The following PPFIA2 variants were observed in gnomAD, a reference collection of about 807,000 sequenced individuals.
The protein encoded by PPFIA2 is PPFI scaffold protein A2.
In PPFIA2, 46 loss-of-function variants were observed where a neutral mutation model predicts 175.5. The ratio of observed to expected loss-of-function variants is 0.26; its 90% confidence interval spans 0.21 to 0.34. The LOEUF (loss-of-function observed/expected upper bound fraction) is 0.34, where lower values mean the gene tolerates loss of function less well. Among genes scored for constraint, PPFIA2 ranks in the 10% least tolerant of loss-of-function variants. The pLI, the probability that PPFIA2 is intolerant of heterozygous loss-of-function variation, is 1.00. For synonymous variants in PPFIA2, 568 were observed against 511.4 expected, an observed-to-expected ratio of 1.11 and a Z score of -1.49; for missense variants, 1,179 against 1,506.1, an observed-to-expected ratio of 0.78 and a Z score of 3.60.
At chr12:81,614,567 A>G (rs2061259030) in intron 4 of PPFIA2, among the ~76,000 whole-genome samples, 1 of 152,184 alleles carries the variant, frequency 6.6e-6, no homozygotes, top group South Asian at 2.1e-4. Context: ...GTAGACTAAC[A>G]CAATGTTTAG....
intron 17 of PPFIA2, among the ~76,000 whole-genome samples, chr12:81,349,487 A>C (rs1407111933): frequency 6.6e-6 from 1 of 152,196 alleles, no homozygotes; most frequent in Non-Finnish European, 1.5e-5. Flanking sequence ...ACTCCAAAGA[A>C]AGGTTTAATC....
At chr12:81,724,872 A>G (rs993113833) in intron 3 of PPFIA2, among the ~76,000 whole-genome samples, 2 of 151,058 alleles carry the variant, frequency 1.3e-5, no homozygotes, top group Non-Finnish European at 3.0e-5. Context: ...ATCCAATAGT[A>G]GTTCTATTTT....
At chr12:81,454,177 G>A (rs917681084) in intron 5 of PPFIA2, among the ~76,000 whole-genome samples, 1 of 152,038 alleles carries the variant, frequency 6.6e-6, no homozygotes. Context: ...CCATGATTGT[G>A]CCACTGCACT....
intron 4 of PPFIA2, among the ~76,000 whole-genome samples, chr12:81,550,346 A>T (rs1206139334): frequency 6.6e-6 from 1 of 152,058 alleles, no homozygotes. Context: ...GCACTTGGGA[A>T]ATTAAGGCAT....
intron 3 of PPFIA2, among the ~76,000 whole-genome samples, chr12:81,697,053 G>A (rs2075977755): frequency 6.6e-6 from 1 of 152,066 alleles, no homozygotes; most frequent in Non-Finnish European, 1.5e-5. Flanking sequence ...ATGAATCATA[G>A]ACAGACAATG....
At chr12:81,378,986 T>C (rs1367898420) in intron 9 of PPFIA2, among the ~76,000 whole-genome samples, 1 of 152,088 alleles carries the variant, frequency 6.6e-6, no homozygotes. Context: ...CGATAAATAA[T>C]AGCTGTTATT....
chr12:81,381,431 A>G (rs2037680732), intron 9 of PPFIA2, among the ~76,000 whole-genome samples: 1 of 152,064 alleles, frequency 6.6e-6, no homozygotes, highest in Non-Finnish European at 1.5e-5. Context: ...GAAAATGGGG[A>G]TTGAATGTTG....
intron 4 of PPFIA2, among the ~76,000 whole-genome samples, chr12:81,606,343 G>A (rs966270621): frequency 4.6e-5 from 7 of 152,016 alleles, no homozygotes; most frequent in Non-Finnish European, 1.0e-4. Context: ...CCCAGTAATG[G>A]GATGGCTAGG....
chr12:81,678,270 C>G lies in PPFIA2; in HGVS notation c.250-1426G>C, dbSNP rs1596318577. Reference sequence around the variant, plus strand: ...TAAATGCCTATGATGAGGAAAAAGGCCAATATTTTGATATAATTAAGAGGA... The same window carrying G: ...TAAATGCCTATGATGAGGAAAAAGGGCAATATTTTGATATAATTAAGAGGA... On this transcript the variant is annotated intron_variant, in intron 3 of 32. Coordinates refer to ENST00000549396, the MANE Select transcript of PPFIA2 (RefSeq NM_003625.5). Among the ~76,000 whole-genome samples, 6 of 151,772 alleles carry G rather than the reference C, an allele frequency of 4.0e-5. No individual in the cohort carries two copies. The South Asian group carries it at 1.3e-3, about 32-fold the overall frequency.
chr12:81,558,873 G>A (rs999376277), intron 4 of PPFIA2, among the ~76,000 whole-genome samples: 7 of 152,134 alleles, frequency 4.6e-5, no homozygotes, highest in African/African-American at 1.7e-4. Flanking sequence ...AATGGCATTA[G>A]TGTCATTTCT....
chr12:81,674,254 T>C (rs1266546952), intron 4 of PPFIA2, among the ~76,000 whole-genome samples: 8 of 152,106 alleles, frequency 5.3e-5, no homozygotes, highest in Admixed American at 6.6e-5. Context: ...ATTCACTCAA[T>C]ACTTGATGTA....
At chr12:81,454,633 A>T (rs2053255879) in intron 5 of PPFIA2, among the ~76,000 whole-genome samples, 1 of 152,144 alleles carries the variant, frequency 6.6e-6, no homozygotes, top group African/African-American at 2.4e-5. Context: ...CATTATACAG[A>T]AGGACTTTTT....
At chr12:81,587,940 C>T (rs2075520026) in intron 4 of PPFIA2, among the ~76,000 whole-genome samples, 1 of 151,808 alleles carries the variant, frequency 6.6e-6, no homozygotes, top group Non-Finnish European at 1.5e-5. Flanking sequence ...TTTATTCATT[C>T]AAAAAGCATA....
chr12:81,308,578 G>T (rs1192854755), intron 22 of PPFIA2, among the ~76,000 whole-genome samples: 1 of 152,056 alleles, frequency 6.6e-6, no homozygotes, highest in African/African-American at 2.4e-5. Flanking sequence ...CTTCCTTATT[G>T]TAAGTGTAAA....
intron 4 of PPFIA2, among the ~76,000 whole-genome samples, chr12:81,460,797 T>C (rs1200283555): frequency 6.6e-6 from 1 of 152,076 alleles, no homozygotes; most frequent in African/African-American, 2.4e-5. Context: ...TTTATATTAA[T>C]TACCTCATCT....
intron 18 of PPFIA2, among the ~76,000 whole-genome samples, chr12:81,345,598 T>C (rs1483221989): frequency 6.6e-6 from 1 of 152,104 alleles, no homozygotes; most frequent in Non-Finnish European, 1.5e-5. Context: ...ATAAAAAGAC[T>C]TAAAAGTGTA....
At chr12:81,330,910 G>A (rs2055980886) in intron 21 of PPFIA2, among the ~76,000 whole-genome samples, 1 of 152,236 alleles carries the variant, frequency 6.6e-6, no homozygotes, top group Non-Finnish European at 1.5e-5. Context: ...TAAAGGGTAT[G>A]TAACAAATAC....
intron 3 of PPFIA2, among the ~76,000 whole-genome samples, chr12:81,718,945 A>T (rs1703583622): frequency 6.6e-6 from 1 of 151,642 alleles, no homozygotes; most frequent in African/African-American, 2.4e-5. Flanking sequence ...TTTTCTTTAC[A>T]TGCAGTGGTC....
chr12:81,353,059 T>G, intron 17 of PPFIA2, 60 bp downstream of exon 17: 1 of 1,474,518 alleles, frequency 6.8e-7, no homozygotes, highest in South Asian at 1.1e-5. Context: ...GTAATTACAT[T>G]TTTAGTACAG....
Sources: allele counts gnomAD v4.1 joint callset (sites outside exome capture counted in the v4.1 genomes callset), GRCh38; gene constraint gnomAD v4.1.1; transcripts MANE v1.5; gene names NCBI Gene and HGNC (gene_info 2026-07-23, HGNC 2026-07-21).